The following VWA3B variants were observed in gnomAD, a reference collection of about 807,000 sequenced individuals.
VWA3B encodes the protein von Willebrand factor A domain-containing protein 3B.
VWA3B carries 138 observed loss-of-function variants against 158.3 expected under a neutral mutation model. That is an observed-to-expected ratio of 0.87 (90% CI 0.76 to 1.00). VWA3B has a LOEUF of 1.00. VWA3B is among the 50% of genes least tolerant of loss of function. The probability of loss-of-function intolerance (pLI) is 0.00; values close to 1 mark genes in which losing one functional copy is unlikely to be tolerated. For missense variants in VWA3B, 1,555 were observed against 1,565.1 expected, an observed-to-expected ratio of 0.99 and a Z score of 0.11; for synonymous variants, 596 against 587.3, an observed-to-expected ratio of 1.01 and a Z score of -0.21.
At position 98,306,378 on chromosome 2, in the gene VWA3B, A is replaced by G. The variant is rs566670845; in HGVS notation, c.3521+2576A>G. ...GCCCCCAATGACTATTTGAAGAACA[A>G]ATAAATATATACAGACACATGCTAG... On this transcript the variant is annotated intron_variant, in intron 26 of 27. Coordinates refer to ENST00000477737, the MANE Select transcript of VWA3B (RefSeq NM_144992.5). Among the ~76,000 whole-genome samples the G allele has an allele frequency of 2.0e-5, 3 of 152,250 alleles. No homozygotes were observed. In the South Asian group the frequency reaches 6.2e-4, roughly 32 times the overall value.
rs1002337145 is a variant in VWA3B, at chr2:98,298,006, G to A, written c.3257G>A (p.Gly1086Asp). ...VSTSFITPVG[G>D]AMPCPLLQVG... is the part of the protein sequence containing the mutation. ...ACCTCCTTCATCACGCCTGTGGGGGGCGCCATGCCCTGCCCGCTGCTCCAG... is the reference window on the plus strand; with the variant it reads ...ACCTCCTTCATCACGCCTGTGGGGGACGCCATGCCCTGCCCGCTGCTCCAG... Residue 1086 changes from glycine (G) to aspartate (D), a missense_variant, in exon 24 of 28, where the codon GGC (glycine) becomes GAC (aspartate). Gly to Asp is a moderately conservative substitution (Grantham distance 94, BLOSUM62 -1). Transcript: ENST00000477737. 7 of 1,579,476 alleles carry A rather than the reference G, an allele frequency of 4.4e-6. No homozygotes were observed. The highest frequency in any genetic ancestry group is 1.4e-5 in the African/African-American group (1 of 73,268).
intron 6 of VWA3B, among the ~76,000 whole-genome samples, chr2:98,129,222 AGAGTGTGT>A (rs1281884836): frequency 1.8e-5 from 2 of 110,322 alleles, no homozygotes; most frequent in East Asian, 6.1e-4. Context: ...AGAGAGAGAG[AGAGTGTGT>A]GTGTGTGTGT....
chr2:98,090,875 C>A (rs1177177796), intron 1 of VWA3B, among the ~76,000 whole-genome samples: 1 of 151,350 alleles, frequency 6.6e-6, no homozygotes, highest in Non-Finnish European at 1.5e-5. Flanking sequence ...CCTGCTGCAG[C>A]CTCTCGAGTA....
chr2:98,115,300 G>A (rs1373552748), intron 2 of VWA3B, among the ~76,000 whole-genome samples: 1 of 152,096 alleles, frequency 6.6e-6, no homozygotes, highest in Non-Finnish European at 1.5e-5. Context: ...GTCGTGGGGT[G>A]GGGGAAGGCG....
chr2:98,256,015 C>G, intron 20 of VWA3B, 109 bp from the exon 21 acceptor site: 2 of 1,173,892 alleles, frequency 1.7e-6, no homozygotes, highest in Non-Finnish European at 2.5e-6. Flanking sequence ...TGGCCTGGCT[C>G]AGTGGAGATG....
intron 25 of VWA3B, among the ~76,000 whole-genome samples, chr2:98,301,040 CA>C (rs1320496281): frequency 6.6e-6 from 1 of 152,128 alleles, no homozygotes; most frequent in African/African-American, 2.4e-5. Flanking sequence ...CCTGTAATCC[CA>C]GCAATTTGGG....
At chr2:98,090,139 G>C (rs1006462548) in intron 1 of VWA3B, among the ~76,000 whole-genome samples, 2 of 152,160 alleles carry the variant, frequency 1.3e-5, no homozygotes, top group African/African-American at 4.8e-5. Context: ...AAAGAAAAAA[G>C]TTTCTTCTGA....
At chr2:98,143,999 C>A (rs1044260313) in intron 7 of VWA3B, among the ~76,000 whole-genome samples, 1 of 151,992 alleles carries the variant, frequency 6.6e-6, no homozygotes, top group Admixed American at 6.6e-5. Context: ...GCAATCCCCC[C>A]ACCTTGGCCT....
chr2:98,171,248 T>C (rs1679558667), intron 8 of VWA3B, among the ~76,000 whole-genome samples: 1 of 152,152 alleles, frequency 6.6e-6, no homozygotes, highest in Non-Finnish European at 1.5e-5. Context: ...ATGAACCATC[T>C]CTTGCTCCGT....
intron 2 of VWA3B, among the ~76,000 whole-genome samples, chr2:98,109,792 CTT>C (rs35707535): frequency 1.2e-4 from 16 of 130,398 alleles, no homozygotes; most frequent in East Asian, 2.2e-4. Flanking sequence ...GTTGATAGTT[CTT>C]TTTTTTTTTT....
At chr2:98,206,444 G>A (rs918480940) in intron 12 of VWA3B, 1 of 299,510 alleles carries the variant, frequency 3.3e-6, no homozygotes, top group Admixed American at 3.5e-5. Flanking sequence ...TTTTTGTGGT[G>A]ACCCAGCATT....
chr2:98,113,888 C>T (rs142744979), intron 2 of VWA3B, among the ~76,000 whole-genome samples: 57 of 152,254 alleles, frequency 3.7e-4, no homozygotes, highest in African/African-American at 1.0e-3. Context: ...GGCTGTACTA[C>T]GATTTTCTTA....
chr2:98,182,668 C>G (rs531221656), intron 9 of VWA3B, among the ~76,000 whole-genome samples: 2 of 152,224 alleles, frequency 1.3e-5, no homozygotes, highest in South Asian at 2.1e-4. Context: ...GTCTGTAATC[C>G]CAGCACTTTG....
intron 13 of VWA3B, among the ~76,000 whole-genome samples, chr2:98,215,749 C>G (rs889294607): frequency 2.0e-5 from 3 of 152,066 alleles, no homozygotes; most frequent in African/African-American, 7.2e-5. Context: ...ATCTCCTGAC[C>G]TTGTGATCTG....
chr2:98,096,858 G>A (rs1254760506), intron 2 of VWA3B, among the ~76,000 whole-genome samples: 1 of 151,804 alleles, frequency 6.6e-6, no homozygotes, highest in Non-Finnish European at 1.5e-5. Context: ...CTTTTCAAGA[G>A]ACTATCTCTT....
At chr2:98,092,816 GTATATATATATATATATATATATATATA>G (rs70940110) in intron 1 of VWA3B, among the ~76,000 whole-genome samples, 27 of 51,504 alleles carry the variant, frequency 5.2e-4, no homozygotes, top group Middle Eastern at 0.028. Flanking sequence ...AGATGTTTTT[GTATATATATATATATATATATATATATA>G]TATATATATA....
chr2:98,152,434 A>G (rs990125674), intron 7 of VWA3B, among the ~76,000 whole-genome samples: 4 of 152,180 alleles, frequency 2.6e-5, no homozygotes, highest in African/African-American at 2.4e-5. Flanking sequence ...TAAGGCAGAC[A>G]GTCCCAATCT....
At chr2:98,128,711 C>A (rs967043407) in intron 6 of VWA3B, among the ~76,000 whole-genome samples, 3 of 152,192 alleles carry the variant, frequency 2.0e-5, no homozygotes, top group African/African-American at 7.2e-5. Flanking sequence ...CTTTCATATG[C>A]AAACCAACCA....
At chr2:98,327,144 C>T in the VWA3B span, among the ~76,000 whole-genome samples, 2 of 151,592 alleles carry the variant, frequency 1.3e-5, no homozygotes, top group Non-Finnish European at 2.9e-5. Flanking sequence ...AAATACAAAA[C>T]TAGCCAGGCA....
Sources: allele counts gnomAD v4.1 joint callset (sites outside exome capture counted in the v4.1 genomes callset), GRCh38; gene constraint gnomAD v4.1.1; transcripts MANE v1.5; gene names NCBI Gene and HGNC (gene_info 2026-07-23, HGNC 2026-07-21).